TASP1: variants seen among roughly 807,000 people sequenced by gnomAD.
TASP1 encodes the protein threonine aspartase 1.
A neutral mutation model predicts 56.6 loss-of-function variants in TASP1; 16 were observed. The observed-to-expected ratio is 0.28, with a 90% CI of 0.19 to 0.43. TASP1 has a LOEUF of 0.43. Among genes scored for constraint, TASP1 ranks in the 20% least tolerant of loss-of-function variants. TASP1 has a pLI of 1.00. For synonymous variants in TASP1, 179 were observed against 184.2 expected (o/e 0.97, Z 0.23); for missense variants, 393 against 511.6 (o/e 0.77, Z 2.24).
chr20:13,383,350 A>G, the TASP1 span, among the ~76,000 whole-genome samples: 1 of 152,166 alleles, frequency 6.6e-6, no homozygotes, highest in Non-Finnish European at 1.5e-5. Context: ...TTCAGCCTAC[A>G]CTTTAAAGGA....
At chr20:13,529,433 C>T (rs539409425) in intron 9 of TASP1, among the ~76,000 whole-genome samples, 3 of 152,152 alleles carry the variant, frequency 2.0e-5, no homozygotes, top group African/African-American at 7.2e-5. Context: ...TAGCAAAATA[C>T]AAGGTGGCAT....
chr20:13,230,179 A>G, the TASP1 span, among the ~76,000 whole-genome samples: 1 of 152,190 alleles, frequency 6.6e-6, no homozygotes, highest in Non-Finnish European at 1.5e-5. Flanking sequence ...AATCTCAATA[A>G]CATTTTCCAT....
chr20:13,187,957 G>A, the TASP1 span, among the ~76,000 whole-genome samples: 1 of 151,956 alleles, frequency 6.6e-6, no homozygotes, highest in Non-Finnish European at 1.5e-5. Context: ...ATATATATGA[G>A]GGCATTAAGA....
the TASP1 span, among the ~76,000 whole-genome samples, chr20:13,258,218 C>A: frequency 1.6e-4 from 24 of 152,276 alleles, no homozygotes; most frequent in Middle Eastern, 0.014. Context: ...CATCAACAGG[C>A]TCCCTTGCTG....
chr20:13,483,464 G>A, intron 10 of TASP1, 127 bp from the exon 11 acceptor site: 2 of 535,298 alleles, frequency 3.7e-6, no homozygotes, highest in Non-Finnish European at 6.3e-6. Context: ...ATTCCGTGAG[G>A]GATGAAATGA....
the TASP1 span, among the ~76,000 whole-genome samples, chr20:13,331,383 A>C: frequency 1.3e-5 from 2 of 152,212 alleles, no homozygotes; most frequent in Admixed American, 1.3e-4. Flanking sequence ...GAGAAAATTC[A>C]GGAGTTTCCT....
At chr20:13,158,448 G>A in the TASP1 span, among the ~76,000 whole-genome samples, 2 of 152,178 alleles carry the variant, frequency 1.3e-5, no homozygotes, top group African/African-American at 4.8e-5. Flanking sequence ...TTGGCACAAA[G>A]AGAAACATGC....
At chr20:13,362,834 T>TATATATATATATATATATATATATAC in the TASP1 span, among the ~76,000 whole-genome samples, 2 of 130,640 alleles carry the variant, frequency 1.5e-5, no homozygotes, top group African/African-American at 6.2e-5. Context: ...TATATATATA[T>TATATATATATATATATATATATATAC]ATATTTGTCT....
chr20:13,573,925 G>C (rs932188342), intron 6 of TASP1, among the ~76,000 whole-genome samples: 1 of 152,128 alleles, frequency 6.6e-6, no homozygotes, highest in Non-Finnish European at 1.5e-5. Context: ...CAATATCTCT[G>C]AGTTGAAGTG....
the TASP1 span, among the ~76,000 whole-genome samples, chr20:13,170,432 T>C: frequency 2.0e-5 from 3 of 152,210 alleles, no homozygotes; most frequent in African/African-American, 7.2e-5. Flanking sequence ...CTGGGTTTAA[T>C]GTAGGGACTG....
At chr20:13,603,568 TAAA>T (rs34603029) in intron 4 of TASP1, among the ~76,000 whole-genome samples, 62,082 of 151,576 alleles carry the variant, frequency 0.41, 13,556 homozygotes, top group African/African-American at 0.56. Context: ...ATAAGTTTAT[TAAA>T]GAAAAATCAA....
chr20:13,375,168 T>C, the TASP1 span, among the ~76,000 whole-genome samples: 2 of 152,130 alleles, frequency 1.3e-5, no homozygotes, highest in Admixed American at 6.5e-5. Flanking sequence ...TGTGCCATGG[T>C]GGTTTGCTGC....
intron 10 of TASP1, among the ~76,000 whole-genome samples, chr20:13,526,772 C>A (rs1031411325): frequency 2.6e-5 from 4 of 151,964 alleles, no homozygotes; most frequent in African/African-American, 9.7e-5. Context: ...CAGAAAGAAA[C>A]CACAAATATG....
chr20:13,435,784 CT>C (rs2042981919), intron 11 of TASP1, among the ~76,000 whole-genome samples: 1 of 152,134 alleles, frequency 6.6e-6, no homozygotes, highest in African/African-American at 2.4e-5. Context: ...AGGACATCTT[CT>C]TCAAACATCT....
the TASP1 span, among the ~76,000 whole-genome samples, chr20:13,332,410 A>T: frequency 6.6e-6 from 1 of 152,214 alleles, no homozygotes; most frequent in African/African-American, 2.4e-5. Flanking sequence ...AACTTAAATT[A>T]TAATTTTAAG....
chr20:13,427,472 T>C lies in TASP1; in HGVS notation c.1096+7572A>G, dbSNP rs1482341120. Reference sequence around the variant, plus strand: ...AACTCATTATCCTTTCAGGTAATTATGTGAGAACATGCGGAAATTTTCATA... The same window carrying C: ...AACTCATTATCCTTTCAGGTAATTACGTGAGAACATGCGGAAATTTTCATA... On this transcript the variant is annotated intron_variant, in intron 12 of 13. Transcript: ENST00000337743. Among the ~76,000 whole-genome samples, 7 of 152,356 alleles carry C rather than the reference T, an allele frequency of 4.6e-5. No homozygotes were observed. In the East Asian group the frequency reaches 1.3e-3, roughly 29 times the overall value.
At chr20:13,439,974 C>T (rs768924805) in intron 11 of TASP1, among the ~76,000 whole-genome samples, 27 of 151,600 alleles carry the variant, frequency 1.8e-4, no homozygotes, top group African/African-American at 5.3e-4. Context: ...AGGGGCCCCA[C>T]GAAGATTTAA....
the TASP1 span, among the ~76,000 whole-genome samples, chr20:13,170,938 A>C: frequency 6.6e-6 from 1 of 152,332 alleles, no homozygotes; most frequent in Admixed American, 6.5e-5. Flanking sequence ...CGCTGTGATG[A>C]AATCAATCTA....
chr20:13,277,238 T>G, the TASP1 span, among the ~76,000 whole-genome samples: 1 of 152,182 alleles, frequency 6.6e-6, no homozygotes, highest in Non-Finnish European at 1.5e-5. Flanking sequence ...GTTTAAGCAA[T>G]CCCTTTGACT....
Sources: gnomAD v4.1 joint callset for allele counts (sites outside exome capture counted in the v4.1 genomes callset) on GRCh38, gnomAD v4.1.1 for gene constraint, MANE v1.5 for transcripts, NCBI Gene and HGNC (gene_info 2026-07-23, HGNC 2026-07-21) for gene names.